Variants in HERC1 observed in about 807,000 individuals in gnomAD.
HERC1 encodes the protein probable E3 ubiquitin-protein ligase HERC1.
HERC1 carries 160 observed loss-of-function variants against 554.3 expected under a neutral mutation model. The ratio of observed to expected loss-of-function variants is 0.29; its 90% CI spans 0.25 to 0.33. The LOEUF (loss-of-function observed/expected upper bound fraction) is 0.33. Among genes scored for constraint, HERC1 ranks in the 10% least tolerant of loss-of-function variants. HERC1 has a pLI of 1.00. For missense variants in HERC1, 4,919 were observed against 5,918.5 expected (o/e 0.83, Z 5.54); for synonymous variants, 2,175 against 2,131.7 (o/e 1.02, Z -0.56).
intron 33 of HERC1, among the ~76,000 whole-genome samples, chr15:63,688,176 G>T (rs759008661): frequency 3.9e-5 from 6 of 152,198 alleles, no homozygotes; most frequent in Non-Finnish European, 7.3e-5. Flanking sequence ...GGAATAGGGT[G>T]ATGACAGAAG....
At chr15:63,812,047 T>G (rs74019026) in intron 1 of HERC1, among the ~76,000 whole-genome samples, 1,563 of 152,214 alleles carry the variant, frequency 0.01, 21 homozygotes, top group African/African-American at 0.036. Flanking sequence ...CTCTATAAAT[T>G]TAGAGCCAGA....
At chr15:63,614,066 T>C (rs2067712777) in intron 76 of HERC1, among the ~76,000 whole-genome samples, 1 of 151,278 alleles carries the variant, frequency 6.6e-6, no homozygotes, top group African/African-American at 2.4e-5. Context: ...AGGACAGTTA[T>C]GGGATAAACA....
chr15:63,649,580 A>C, intron 54 of HERC1, 145 bp downstream of exon 54: 1 of 636,954 alleles, frequency 1.6e-6, no homozygotes, highest in South Asian at 2.0e-5. Flanking sequence ...TTCAGTAACT[A>C]ATTAAAATTA....
At chr15:63,644,477 T>G (rs1219873271) in intron 57 of HERC1, among the ~76,000 whole-genome samples, 1 of 152,212 alleles carries the variant, frequency 6.6e-6, no homozygotes, top group African/African-American at 2.4e-5. Context: ...TGTGCCTTTA[T>G]ATAAAGCATG....
At chr15:63,811,536 G>A (rs753384043) in intron 1 of HERC1, among the ~76,000 whole-genome samples, 6 of 152,094 alleles carry the variant, frequency 3.9e-5, no homozygotes, top group African/African-American at 7.2e-5. Flanking sequence ...GGGGCCGGGC[G>A]CGGTGGCTCA....
At chr15:63,678,404 A>G in intron 36 of HERC1, 39 bp from the exon 37 acceptor site, 1 of 1,514,086 alleles carries the variant, frequency 6.6e-7, no homozygotes, top group Non-Finnish European at 8.8e-7. Context: ...ACATGCTATT[A>G]GTAGTTCTTC....
chr15:63,786,872 T>C (rs1372690815), intron 1 of HERC1, among the ~76,000 whole-genome samples: 1 of 152,158 alleles, frequency 6.6e-6, no homozygotes, highest in African/African-American at 2.4e-5. Context: ...TCGCTCACTT[T>C]AAGATGGTTA....
chr15:63,822,663 T>C (rs2077743837), intron 1 of HERC1, among the ~76,000 whole-genome samples: 1 of 152,114 alleles, frequency 6.6e-6, no homozygotes, highest in African/African-American at 2.4e-5. Flanking sequence ...GATTAACATT[T>C]GAAAAGGTCA....
chr15:63,785,019 T>C (rs2076397306), intron 1 of HERC1, among the ~76,000 whole-genome samples: 1 of 152,196 alleles, frequency 6.6e-6, no homozygotes, highest in African/African-American at 2.4e-5. Context: ...GGAAAGGAGT[T>C]ACAAATTATC....
At chr15:63,804,309 G>A (rs1302808975) in intron 1 of HERC1, among the ~76,000 whole-genome samples, 1 of 152,182 alleles carries the variant, frequency 6.6e-6, no homozygotes, top group African/African-American at 2.4e-5. Flanking sequence ...TTGCTAGCCG[G>A]GCACAGTGGC....
rs760903018 is a variant in HERC1, at chr15:63,713,639, G to A, written c.4177C>T (p.Arg1393Cys). Residue 1393 changes from arginine (R) to cysteine (C), a missense_variant, in exon 23 of 78, where the codon CGT becomes TGT. Coordinates refer to ENST00000443617, the MANE Select transcript of HERC1 (RefSeq NM_003922.4). Reference sequence around the variant, plus strand: ...CGGTCTCGGCTACGAGCTACTTCACGGGCTGAGAGGAAACACTGAAAGATT... The same window carrying A: ...CGGTCTCGGCTACGAGCTACTTCACAGGCTGAGAGGAAACACTGAAAGATT... ...GKIFQCFLSA[R>C]EVARSRDRDR... 83 of 1,611,252 alleles carry A rather than the reference G, an allele frequency of 5.2e-5. No individual in the cohort carries two copies. The highest frequency in any genetic ancestry group is 6.6e-5 in the Non-Finnish European group (78 of 1,178,696).
At chr15:63,644,960 T>A in intron 57 of HERC1, 32 bp downstream of exon 57, 1 of 1,486,666 alleles carries the variant, frequency 6.7e-7, no homozygotes, top group South Asian at 1.1e-5. Flanking sequence ...TTCCATAGTT[T>A]CAGACAGTCT....
intron 19 of HERC1, among the ~76,000 whole-genome samples, chr15:63,721,865 G>C (rs533354129): frequency 6.6e-6 from 1 of 152,100 alleles, no homozygotes; most frequent in Non-Finnish European, 1.5e-5. Flanking sequence ...CTTTGTTGTT[G>C]TTGCTTGTTT....
At chr15:63,682,868 G>A (rs1221950937) in intron 34 of HERC1, among the ~76,000 whole-genome samples, 1 of 151,814 alleles carries the variant, frequency 6.6e-6, no homozygotes, top group Admixed American at 6.6e-5. Context: ...GGGCACAATG[G>A]CTCATGCCTG....
In HERC1 at chr15:63,677,394, T is replaced by C. The variant is rs957008038; in HGVS notation, c.7070+451A>G. ...TATAAAAAGGAAGAATACTTAAAAT[T>C]ACAGATAATGCAAAGCCTAATTTCA... is the stretch of plus-strand genomic sequence containing the variant. On this transcript the variant is annotated intron_variant, in intron 37 of 77. Coordinates refer to ENST00000443617, the MANE Select transcript of HERC1 (RefSeq NM_003922.4). The surrounding 1 kb of genome is among the most constrained non-coding windows in gnomAD (Gnocchi z 4.4). 3.3e-5 allele frequency among the ~76,000 whole-genome samples: 5 copies of C among 152,198 alleles called. No individual in the cohort carries two copies. Among genetic ancestry groups the C allele is most frequent in the Non-Finnish European group, 5.9e-5 (4 of 68,042 alleles).
In HERC1 at chr15:63,655,897, C is replaced by T. The variant is rs765368621; in HGVS notation, c.9929G>A (p.Arg3310Gln). Residue 3310 changes from arginine (R) to glutamine (Q), a missense_variant, in exon 50 of 78, where the codon CGA becomes CAA. Arg to Gln is a conservative substitution (Grantham distance 43). Coordinates refer to ENST00000443617, the MANE Select transcript of HERC1 (RefSeq NM_003922.4). ...NLTTVDDSIQ[R>Q]KFLPSFLRGI... ...TCGGAGAAAGCTGGGTAGAAACTTT[C>T]GCTGAATTGAGTCATCAACTGTGGT... is the stretch of plus-strand genomic sequence containing the variant. 8.1e-6 allele frequency: 13 copies of T among 1,612,758 alleles called. No individual in the cohort carries two copies. Among genetic ancestry groups the T allele is most frequent in the South Asian group, 2.2e-5 (2 of 90,648 alleles).
chr15:63,768,789 A>G (rs1226711766), intron 2 of HERC1, among the ~76,000 whole-genome samples: 1 of 152,230 alleles, frequency 6.6e-6, no homozygotes, highest in Admixed American at 6.5e-5. Context: ...AAAGGGTCTC[A>G]TCCTGAGATG....
Position 63,630,590 on chromosome 15 carries a change from C to T in HERC1, c.12842G>A (p.Arg4281Gln), listed in dbSNP as rs1236847553. The T allele has an allele frequency of 9.9e-6, 16 of 1,613,646 alleles. No individual in the cohort carries two copies. Among genetic ancestry groups the T allele is most frequent in the Non-Finnish European group, 1.4e-5 (16 of 1,179,782 alleles). Residue 4281 changes from arginine to glutamine, a missense_variant, in exon 69 of 78, where the codon CGA (arginine) becomes CAA (glutamine). By Grantham distance (43) the Arg-to-Gln change is conservative. Transcript: ENST00000443617. ...AGCCAGGACAGGGATTTGTTGCGGT[C>T]GATTGTGATTGCGAGCACGCCCCTC... ...LPEGRARNHN[R>Q]PQQIPVLAGV...
intron 34 of HERC1, among the ~76,000 whole-genome samples, chr15:63,685,657 C>T (rs549030169): frequency 6.6e-6 from 1 of 152,310 alleles, no homozygotes; most frequent in South Asian, 2.1e-4. Flanking sequence ...TATTACTGGC[C>T]AATCTTATCC....
Sources: gnomAD v4.1 joint callset for allele counts (sites outside exome capture counted in the v4.1 genomes callset) on GRCh38, gnomAD v4.1.1 for gene constraint, Gnocchi (gnomAD v3.1) non-coding constraint, MANE v1.5 for transcripts, NCBI Gene and HGNC (gene_info 2026-07-23, HGNC 2026-07-21) for gene names.